NDST4: variants seen among roughly 807,000 people sequenced by gnomAD.
NDST4 encodes the protein N-deacetylase and N-sulfotransferase 4.
In NDST4, 63 loss-of-function variants were observed where a neutral mutation model predicts 100.8. The observed-to-expected ratio is 0.62, with a 90% CI of 0.51 to 0.77. NDST4 has a LOEUF of 0.77. Ranked by LOEUF, NDST4 falls within the 30% of genes least tolerant of loss-of-function variation. NDST4 has a pLI of 0.00. For missense variants in NDST4, 943 were observed against 1,018.4 expected, an observed-to-expected ratio of 0.93 and a Z score of 1.01; for synonymous variants, 377 against 361.8, an observed-to-expected ratio of 1.04 and a Z score of -0.48.
chr4:115,001,056 C>A (rs1053949765), intron 2 of NDST4, among the ~76,000 whole-genome samples: 5 of 152,074 alleles, frequency 3.3e-5, no homozygotes, highest in Admixed American at 3.3e-4. Context: ...CCCTCAAAGA[C>A]CTCAACTTCT....
intron 1 of NDST4, among the ~76,000 whole-genome samples, chr4:115,081,769 G>T (rs903578272): frequency 1.3e-5 from 2 of 152,170 alleles, no homozygotes; most frequent in Non-Finnish European, 2.9e-5. Flanking sequence ...CCTGGGACAA[G>T]TCAGCAAGAA....
intron 4 of NDST4, among the ~76,000 whole-genome samples, chr4:114,964,622 T>C (rs151272026): frequency 1.2e-4 from 19 of 152,348 alleles, no homozygotes; most frequent in African/African-American, 3.6e-4. Flanking sequence ...ACAATTAACA[T>C]GATATCTACC....
intron 2 of NDST4, among the ~76,000 whole-genome samples, chr4:115,059,450 G>A (rs1269550193): frequency 6.6e-6 from 1 of 151,988 alleles, no homozygotes; most frequent in Non-Finnish European, 1.5e-5. Flanking sequence ...TATTTTACAA[G>A]GAGAATTACA....
intron 2 of NDST4, among the ~76,000 whole-genome samples, chr4:115,061,278 T>C (rs1728813407): frequency 1.3e-5 from 2 of 152,116 alleles, no homozygotes; most frequent in African/African-American, 4.8e-5. Flanking sequence ...ACTGGGTATA[T>C]ACCCAAAGAA....
chr4:114,829,302 T>G (rs1026643566), intron 13 of NDST4, among the ~76,000 whole-genome samples: 1 of 152,224 alleles, frequency 6.6e-6, no homozygotes, highest in Non-Finnish European at 1.5e-5. Context: ...TTTTACGTTT[T>G]TATGTCCCTA....
At chr4:115,080,679 T>C (rs1729282085) in intron 1 of NDST4, among the ~76,000 whole-genome samples, 1 of 146,810 alleles carries the variant, frequency 6.8e-6, no homozygotes, top group Non-Finnish European at 1.5e-5. Context: ...TATATACATA[T>C]ATATAGTGTG....
At chr4:114,929,596 C>T (rs1323372155) in intron 6 of NDST4, among the ~76,000 whole-genome samples, 1 of 152,116 alleles carries the variant, frequency 6.6e-6, no homozygotes, top group Non-Finnish European at 1.5e-5. Context: ...TCCTGAAACT[C>T]CCCTCTTTCA....
intron 2 of NDST4, among the ~76,000 whole-genome samples, chr4:115,067,510 A>C (rs559670): frequency 0.24 from 36,490 of 151,660 alleles, 5,867 homozygotes; most frequent in East Asian, 0.46. Context: ...ACTTAGTAAT[A>C]TTGAGGTTTT....
At chr4:115,067,115 A>T (rs899927875) in intron 2 of NDST4, among the ~76,000 whole-genome samples, 2 of 152,122 alleles carry the variant, frequency 1.3e-5, no homozygotes, top group African/African-American at 4.8e-5. Flanking sequence ...ACACTTGCCA[A>T]TTGCATGCTG....
At chr4:114,958,986 A>C (rs1372507435) in intron 4 of NDST4, among the ~76,000 whole-genome samples, 4 of 152,106 alleles carry the variant, frequency 2.6e-5, no homozygotes, top group Non-Finnish European at 2.9e-5. Context: ...CAGAGACCCT[A>C]AATCATCTCT....
intron 2 of NDST4, among the ~76,000 whole-genome samples, chr4:115,003,846 C>T (rs115677664): frequency 0.047 from 7,071 of 151,236 alleles, 191 homozygotes; most frequent in Non-Finnish European, 0.066. Flanking sequence ...CCAGCCCAGG[C>T]GACAGTGTAA....
chr4:114,937,817 G>A (rs1725662900), intron 4 of NDST4, among the ~76,000 whole-genome samples: 1 of 151,458 alleles, frequency 6.6e-6, no homozygotes, highest in Non-Finnish European at 1.5e-5. Context: ...GGCGGGGAAA[G>A]GTGTCATTTG....
chr4:115,021,786 T>C (rs1218060273), intron 2 of NDST4, among the ~76,000 whole-genome samples: 6 of 150,044 alleles, frequency 4.0e-5, no homozygotes, highest in African/African-American at 1.5e-4. Flanking sequence ...TCCATATATA[T>C]ACCTTCCACA....
intron 4 of NDST4, among the ~76,000 whole-genome samples, chr4:114,965,822 G>A (rs1726367704): frequency 6.6e-6 from 1 of 151,928 alleles, no homozygotes; most frequent in Non-Finnish European, 1.5e-5. Context: ...TATGGTATAT[G>A]CACTTTTCTT....
chr4:115,013,906 T>G (rs759379491), intron 2 of NDST4, among the ~76,000 whole-genome samples: 6 of 151,982 alleles, frequency 3.9e-5, no homozygotes, highest in Non-Finnish European at 8.8e-5. Context: ...ATCAAGAACA[T>G]GAAAGATGCA....
intron 2 of NDST4, among the ~76,000 whole-genome samples, chr4:114,986,833 T>TATATATATATA (rs397953439): frequency 2.2e-5 from 2 of 92,920 alleles, no homozygotes; most frequent in Non-Finnish European, 4.5e-5. Context: ...TATATATATA[T>TATATATATATA]TTTAATATAC....
intron 1 of NDST4, among the ~76,000 whole-genome samples, chr4:115,111,602 A>C (rs1050806755): frequency 1.3e-5 from 2 of 151,714 alleles, no homozygotes; most frequent in African/African-American, 4.8e-5. Flanking sequence ...TGCATTAATC[A>C]ATTTAAAAAA....
chr4:114,957,183 AT>A (rs1196545568), intron 4 of NDST4, among the ~76,000 whole-genome samples: 1 of 152,228 alleles, frequency 6.6e-6, no homozygotes, highest in Non-Finnish European at 1.5e-5. Context: ...GTATTTGTCC[AT>A]TTTTATACTT....
intron 2 of NDST4, among the ~76,000 whole-genome samples, chr4:115,024,248 C>T (rs1288392424): frequency 6.6e-6 from 1 of 152,018 alleles, no homozygotes; most frequent in East Asian, 1.9e-4. Flanking sequence ...GGTGGGGTCA[C>T]CTTGAAAACC....
Sources: allele counts gnomAD v4.1 joint callset (sites outside exome capture counted in the v4.1 genomes callset), GRCh38; gene constraint gnomAD v4.1.1; transcripts MANE v1.5; gene names NCBI Gene and HGNC (gene_info 2026-07-23, HGNC 2026-07-21).